ADGRL3: variants seen among roughly 807,000 people sequenced by gnomAD.
ADGRL3 encodes calcium-independent alpha-latrotoxin receptor 3.
ADGRL3 carries 62 observed loss-of-function variants against 153.5 expected under a neutral mutation model. That is an observed-to-expected ratio of 0.40 (90% CI 0.33 to 0.50). The LOEUF is 0.50. ADGRL3 is among the 20% of genes least tolerant of loss of function. ADGRL3 has a pLI of 0.47. For missense variants in ADGRL3, 1,641 were observed against 1,859.4 expected (o/e 0.88, Z 2.16); for synonymous variants, 710 against 672.5 (o/e 1.06, Z -0.86).
chr4:61,469,030 A>G (rs1301357103), intron 2 of ADGRL3, among the ~76,000 whole-genome samples: 8 of 152,046 alleles, frequency 5.3e-5, no homozygotes, highest in Admixed American at 3.9e-4. Context: ...GTTTAGTCAT[A>G]TGACTCTTTC....
chr4:61,210,615 G>A (rs1739522077), intron 1 of ADGRL3, among the ~76,000 whole-genome samples: 1 of 152,170 alleles, frequency 6.6e-6, no homozygotes, highest in Non-Finnish European at 1.5e-5. Context: ...GGTTCTGACT[G>A]ATGGTCATCT....
chr4:61,456,816 T>C (rs1252018297), intron 2 of ADGRL3, among the ~76,000 whole-genome samples: 5 of 151,958 alleles, frequency 3.3e-5, no homozygotes, highest in African/African-American at 1.2e-4. Flanking sequence ...AAATGTATTA[T>C]GATATGGTGA....
chr4:61,365,497 G>A (rs1236478256), intron 1 of ADGRL3, among the ~76,000 whole-genome samples: 2 of 152,176 alleles, frequency 1.3e-5, no homozygotes, highest in African/African-American at 4.8e-5. Flanking sequence ...ATCTGCCTTG[G>A]TGCCTCACTT....
chr4:61,427,243 T>A (rs2097294145), intron 2 of ADGRL3: 1 of 152,616 alleles, frequency 6.6e-6, no homozygotes, highest in African/African-American at 2.4e-5. Context: ...CTGCACCAGC[T>A]CTGCATATGA....
chr4:61,879,311 C>A (rs546798508), intron 9 of ADGRL3, among the ~76,000 whole-genome samples: 1 of 152,222 alleles, frequency 6.6e-6, no homozygotes, highest in Non-Finnish European at 1.5e-5. Flanking sequence ...GATTGTATAT[C>A]CCTTATCTGA....
intron 1 of ADGRL3, among the ~76,000 whole-genome samples, chr4:61,363,933 A>G (rs1261906101): frequency 6.6e-6 from 1 of 152,122 alleles, no homozygotes; most frequent in Non-Finnish European, 1.5e-5. Context: ...GTTTACTGTT[A>G]TGCATATATA....
In ADGRL3 at chr4:61,775,031, A is replaced by G. The variant is rs562566539; in HGVS notation, c.1400-38778A>G. Among the ~76,000 whole-genome samples the G allele has an allele frequency of 3.3e-5, 5 of 152,242 alleles. No individual in the cohort carries two copies. In the South Asian group the frequency reaches 1.0e-3, roughly 32 times the overall value. ...TCCTAGTAGAGAGGAGAGAGGGGATACCTTTGTAAATTTGTAGTCTGCTTA... is the reference window on the plus strand; with the variant it reads ...TCCTAGTAGAGAGGAGAGAGGGGATGCCTTTGTAAATTTGTAGTCTGCTTA... On this transcript the variant is annotated intron_variant, in intron 8 of 26. Coordinates refer to ENST00000683033, the MANE Select transcript of ADGRL3 (RefSeq NM_001387552.1).
intron 8 of ADGRL3, among the ~76,000 whole-genome samples, chr4:61,749,843 A>G (rs1027773018): frequency 6.6e-6 from 1 of 152,096 alleles, no homozygotes; most frequent in Non-Finnish European, 1.5e-5. Flanking sequence ...CATGTACCCT[A>G]AAACTTAAAG....
intron 19 of ADGRL3, among the ~76,000 whole-genome samples, chr4:61,989,614 T>C (rs1225689607): frequency 6.6e-6 from 1 of 152,082 alleles, no homozygotes; most frequent in African/African-American, 2.4e-5. Flanking sequence ...ATTGGACATA[T>C]ACAATTATCA....
rs562700298 is a variant in ADGRL3, at chr4:61,596,198, A to G, written c.473+8758A>G. 7.1e-4 allele frequency among the ~76,000 whole-genome samples: 108 copies of G among 152,296 alleles called. 2 individuals carry two copies. In the Middle Eastern group the frequency reaches 0.01, roughly 14 times the overall value. The stretch of plus-strand genomic sequence containing the variant: ...GACAGTTGTTAAAATGTGCTGTTCC[A>G]GCAGAAGGGGACAAACAGTGTATAC... On this transcript the variant is annotated intron_variant, in intron 5 of 26. Transcript: ENST00000683033.
intron 11 of ADGRL3, among the ~76,000 whole-genome samples, chr4:61,900,122 G>A (rs546538298): frequency 2.0e-5 from 3 of 152,128 alleles, no homozygotes; most frequent in South Asian, 2.1e-4. Flanking sequence ...CTCTGGATTC[G>A]TTTCCCCATC....
At chr4:61,749,063 A>T (rs2152029335) in intron 8 of ADGRL3, among the ~76,000 whole-genome samples, 1 of 152,008 alleles carries the variant, frequency 6.6e-6, no homozygotes, top group East Asian at 1.9e-4. Context: ...ATGAACAGAC[A>T]CTTCTCAAAA....
At chr4:61,338,561 G>C (rs2095736431) in intron 1 of ADGRL3, among the ~76,000 whole-genome samples, 1 of 152,084 alleles carries the variant, frequency 6.6e-6, no homozygotes, top group South Asian at 2.1e-4. Context: ...ATTATATGTG[G>C]CAGCCAGCAT....
chr4:61,883,338 C>A (rs1352620105), intron 9 of ADGRL3, among the ~76,000 whole-genome samples: 1 of 152,056 alleles, frequency 6.6e-6, no homozygotes, highest in African/African-American at 2.4e-5. Context: ...ACTTCTGTAT[C>A]GCCAGCACTT....
At chr4:62,044,001 T>C (rs992046198) in intron 24 of ADGRL3, among the ~76,000 whole-genome samples, 4 of 152,018 alleles carry the variant, frequency 2.6e-5, no homozygotes, top group Non-Finnish European at 4.4e-5. Context: ...TAGCAAACTC[T>C]TTTGCAAGAT....
intron 5 of ADGRL3, among the ~76,000 whole-genome samples, chr4:61,655,884 A>G (rs953764334): frequency 5.3e-5 from 8 of 152,288 alleles, no homozygotes; most frequent in Non-Finnish European, 8.8e-5. Flanking sequence ...TTGAGTAGAG[A>G]CATATTTTTC....
chr4:61,971,474 A>G (rs1318293575), intron 17 of ADGRL3, among the ~76,000 whole-genome samples: 2 of 152,164 alleles, frequency 1.3e-5, no homozygotes, highest in Non-Finnish European at 2.9e-5. Flanking sequence ...ATGTCCCTAC[A>G]AAGGACATGA....
chr4:61,803,390 T>C (rs948625508), intron 8 of ADGRL3, among the ~76,000 whole-genome samples: 1 of 152,244 alleles, frequency 6.6e-6, no homozygotes, highest in Middle Eastern at 3.4e-3. Context: ...TGTTGTTAGG[T>C]AAACAGGTCT....
chr4:61,829,141 G>A (rs139074202), intron 9 of ADGRL3, among the ~76,000 whole-genome samples: 1 of 152,254 alleles, frequency 6.6e-6, no homozygotes, highest in East Asian at 1.9e-4. Flanking sequence ...CACACCTGGT[G>A]CAGGGACAAT....
Sources: gnomAD v4.1 joint callset for allele counts (sites outside exome capture counted in the v4.1 genomes callset) on GRCh38, gnomAD v4.1.1 for gene constraint, MANE v1.5 for transcripts, NCBI Gene and HGNC (gene_info 2026-07-23, HGNC 2026-07-21) for gene names.